Variants in ROBO2 observed in about 807,000 individuals in gnomAD.
ROBO2 encodes the protein roundabout homolog 2.
ROBO2 carries 53 observed loss-of-function variants against 160.8 expected under a neutral mutation model. The ratio of observed to expected loss-of-function variants is 0.33; its 90% CI spans 0.26 to 0.41. The LOEUF is 0.41. Ranked by LOEUF, ROBO2 falls within the 10% of genes least tolerant of loss-of-function variation. The pLI, the probability that ROBO2 is intolerant of heterozygous loss-of-function variation, is 1.00. For missense variants in ROBO2, 1,577 were observed against 1,722.4 expected (o/e 0.92, Z 1.49); for synonymous variants, 664 against 611.7 (o/e 1.09, Z -1.26).
chr3:76,120,440 G>A (rs2070703547), intron 2 of ROBO2, among the ~76,000 whole-genome samples: 1 of 152,084 alleles, frequency 6.6e-6, no homozygotes, highest in African/African-American at 2.4e-5. Context: ...CTGATATTAG[G>A]CACATGACTG....
chr3:77,331,592 TGAATTTTCTTAA>T, intron 2 of ROBO2, among the ~76,000 whole-genome samples: 1 of 152,340 alleles, frequency 6.6e-6, no homozygotes, highest in South Asian at 2.1e-4. Flanking sequence ...ATCTGATATC[TGAATTTTCTTAA>T]GATTCAAAGA....
chr3:77,617,857 A>G (rs2094815789), intron 22 of ROBO2, 84 bp downstream of exon 23: 1 of 1,391,320 alleles, frequency 7.2e-7, no homozygotes, highest in Non-Finnish European at 1.0e-6. Flanking sequence ...AGATTCTGAT[A>G]GAACTACACA....
chr3:76,720,357 G>C (rs1360384373), intron 2 of ROBO2, among the ~76,000 whole-genome samples: 1 of 152,172 alleles, frequency 6.6e-6, no homozygotes, highest in Non-Finnish European at 1.5e-5. Flanking sequence ...TAAATGGGCT[G>C]AGACAGAACA....
chr3:76,212,579 G>A (rs1189895158), intron 2 of ROBO2, among the ~76,000 whole-genome samples: 16 of 152,008 alleles, frequency 1.1e-4, no homozygotes, highest in African/African-American at 3.9e-4. Flanking sequence ...AGAATAAAAA[G>A]TAGGTGTAAA....
chr3:76,143,517 T>C (rs2071764996), intron 2 of ROBO2, among the ~76,000 whole-genome samples: 1 of 152,068 alleles, frequency 6.6e-6, no homozygotes. Context: ...ATATCTCTAT[T>C]GGTAGATCAT....
chr3:76,181,385 G>A (rs1701494033), intron 2 of ROBO2, among the ~76,000 whole-genome samples: 2 of 132,882 alleles, frequency 1.5e-5, no homozygotes, highest in African/African-American at 5.0e-5. Context: ...ACAATTAAAA[G>A]AAAGGAAATT....
chr3:76,437,330 A>G (rs948627842), intron 2 of ROBO2, among the ~76,000 whole-genome samples: 1 of 152,200 alleles, frequency 6.6e-6, no homozygotes, highest in Non-Finnish European at 1.5e-5. Context: ...AGAGTTGGTC[A>G]CCTCCAGCTG....
chr3:76,434,424 G>A (rs1294092540), intron 2 of ROBO2: 7 of 1,560,024 alleles, frequency 4.5e-6, no homozygotes, highest in Non-Finnish European at 6.2e-6. Flanking sequence ...GCCCTGGGCT[G>A]GGTGGCTATG....
chr3:77,517,636 T>C (rs1339415655), intron 5 of ROBO2, among the ~76,000 whole-genome samples: 3 of 151,510 alleles, frequency 2.0e-5, no homozygotes, highest in African/African-American at 7.3e-5. Context: ...TTTTGTACTT[T>C]CTCTTTGTGG....
chr3:77,403,013 A>G (rs144354759), intron 2 of ROBO2, among the ~76,000 whole-genome samples: 8 of 152,302 alleles, frequency 5.3e-5, no homozygotes, highest in Middle Eastern at 3.4e-3. Flanking sequence ...TGAGGTTGCT[A>G]CAGACCCGTA....
intron 2 of ROBO2, among the ~76,000 whole-genome samples, chr3:76,667,685 T>TCTAAACA (rs375820472): frequency 0.27 from 41,610 of 151,882 alleles, 6,253 homozygotes; most frequent in East Asian, 0.52. Flanking sequence ...TGTTTAGGGC[T>TCTAAACA]ATTTTTAGCA....
intron 2 of ROBO2, among the ~76,000 whole-genome samples, chr3:76,729,389 C>T (rs1440417902): frequency 3.3e-5 from 5 of 152,052 alleles, no homozygotes; most frequent in African/African-American, 1.2e-4. Flanking sequence ...TGCAATAATT[C>T]ACCACTCTAA....
chr3:76,146,572 T>C (rs1487113154), intron 2 of ROBO2, among the ~76,000 whole-genome samples: 2 of 151,726 alleles, frequency 1.3e-5, no homozygotes, highest in African/African-American at 2.4e-5. Flanking sequence ...AGTCAATTTA[T>C]TGGAGATTTG....
intron 2 of ROBO2, among the ~76,000 whole-genome samples, chr3:76,272,241 AT>A (rs2107630936): frequency 6.6e-6 from 1 of 152,260 alleles, no homozygotes; most frequent in Admixed American, 6.5e-5. Flanking sequence ...ATCCTTTATA[AT>A]TTTATGCCTT....
At chr3:76,652,480 C>T (rs889284946) in intron 2 of ROBO2, among the ~76,000 whole-genome samples, 1 of 152,070 alleles carries the variant, frequency 6.6e-6, no homozygotes. Flanking sequence ...ACATTCTGTC[C>T]TCTTTACCTT....
intron 1 of ROBO2, among the ~76,000 whole-genome samples, chr3:75,912,427 C>T (rs1946636525): frequency 6.6e-6 from 1 of 152,082 alleles, no homozygotes; most frequent in African/African-American, 2.4e-5. Context: ...AAAATTTGTA[C>T]ACAATTTTTT....
At chr3:77,616,984 AAATT>A (rs1293652558) in intron 21 of ROBO2, among the ~76,000 whole-genome samples, 2 of 152,214 alleles carry the variant, frequency 1.3e-5, no homozygotes, top group African/African-American at 4.8e-5. Flanking sequence ...TCTACTGAGA[AAATT>A]AAGAGAATCA....
At chr3:77,537,133 T>C (rs984584241) in intron 6 of ROBO2, among the ~76,000 whole-genome samples, 2 of 145,136 alleles carry the variant, frequency 1.4e-5, no homozygotes, top group African/African-American at 2.6e-5. Flanking sequence ...CCAAAATAAA[T>C]CCAATGCCTC....
At chr3:77,398,973 G>C (rs934171198) in intron 2 of ROBO2, among the ~76,000 whole-genome samples, 3 of 152,028 alleles carry the variant, frequency 2.0e-5, no homozygotes, top group African/African-American at 7.2e-5. Context: ...CCTTCTAAAA[G>C]TGATACAGTC....
Sources: allele counts gnomAD v4.1 joint callset (sites outside exome capture counted in the v4.1 genomes callset), GRCh38; gene constraint gnomAD v4.1.1; transcripts MANE v1.5; gene names NCBI Gene and HGNC (gene_info 2026-07-23, HGNC 2026-07-21).